PDE4D: variants seen among roughly 807,000 people sequenced by gnomAD.
PDE4D encodes 3',5'-cyclic-AMP phosphodiesterase 4D.
In PDE4D, 24 loss-of-function variants were observed where a neutral mutation model predicts 87.4. That is an observed-to-expected ratio of 0.27 (90% confidence interval 0.20 to 0.39). The LOEUF is 0.39. PDE4D is among the 10% of genes least tolerant of loss of function. The pLI is 1.00. For missense variants in PDE4D, 714 were observed against 1,041.0 expected (o/e 0.69, Z 4.32); for synonymous variants, 384 against 383.2 (o/e 1.00, Z -0.02).
At chr5:59,778,009 T>C (rs1233425014) in intron 1 of PDE4D, among the ~76,000 whole-genome samples, 2 of 152,198 alleles carry the variant, frequency 1.3e-5, no homozygotes, top group African/African-American at 4.8e-5. Flanking sequence ...AATTGAAAGG[T>C]AAACTTTAAG....
At chr5:59,091,232 T>C (rs1198817259) in intron 5 of PDE4D, 2 of 414,558 alleles carry the variant, frequency 4.8e-6, no homozygotes, top group Non-Finnish European at 9.6e-6. Context: ...GCTTTCTGCT[T>C]ATCTGCTGAA....
intron 1 of PDE4D, among the ~76,000 whole-genome samples, chr5:60,368,535 C>T (rs538963987): frequency 2.6e-5 from 4 of 152,270 alleles, no homozygotes; most frequent in African/African-American, 7.2e-5. Flanking sequence ...CTTTCCTTTG[C>T]TCTAGCATTC....
chr5:59,271,302 T>C (rs1479771846), intron 1 of PDE4D, among the ~76,000 whole-genome samples: 2 of 152,054 alleles, frequency 1.3e-5, no homozygotes, highest in South Asian at 2.1e-4. Flanking sequence ...GCCTCCTAAA[T>C]TGCAGGTATT....
intron 1 of PDE4D, among the ~76,000 whole-genome samples, chr5:60,334,898 C>T (rs1757611073): frequency 6.6e-6 from 1 of 152,102 alleles, no homozygotes; most frequent in Admixed American, 6.6e-5. Flanking sequence ...TTTGTGCATT[C>T]CATATAATTT....
intron 1 of PDE4D, among the ~76,000 whole-genome samples, chr5:59,271,913 AT>A (rs902990041): frequency 4.0e-4 from 59 of 146,312 alleles, no homozygotes; most frequent in Admixed American, 6.9e-4. Context: ...CACTCCTACC[AT>A]TTTTTTTTTT....
At chr5:59,430,354 T>G in intron 1 of PDE4D, 2 of 1,231,328 alleles carry the variant, frequency 1.6e-6, no homozygotes, top group Non-Finnish European at 2.0e-6. Context: ...TCCATGAACA[T>G]AAGCGCTTCG....
chr5:59,156,135 G>A (rs1440845260), intron 5 of PDE4D, among the ~76,000 whole-genome samples: 2 of 151,824 alleles, frequency 1.3e-5, no homozygotes, highest in Admixed American at 1.3e-4. Flanking sequence ...AGGAATTCAG[G>A]TAAGGAAGTG....
chr5:59,662,440 T>G (rs535745059), intron 1 of PDE4D, among the ~76,000 whole-genome samples: 4 of 152,354 alleles, frequency 2.6e-5, no homozygotes, highest in Non-Finnish European at 5.9e-5. Flanking sequence ...ACCCTGAATA[T>G]CTGTTGTTTG....
At chr5:60,115,069 G>T (rs369463628) in intron 2 of PDE4D, among the ~76,000 whole-genome samples, 18 of 148,830 alleles carry the variant, frequency 1.2e-4, no homozygotes, top group African/African-American at 4.5e-4. Context: ...TGAAGTGGCA[G>T]ATCATATTTT....
intron 1 of PDE4D, among the ~76,000 whole-genome samples, chr5:60,515,626 G>C (rs1433889623): frequency 2.5e-5 from 3 of 118,536 alleles, no homozygotes; most frequent in African/African-American, 1.4e-4. Context: ...TTTTCTGTCA[G>C]GATGAGAAGA....
intron 5 of PDE4D, among the ~76,000 whole-genome samples, chr5:59,076,427 G>A (rs771553256): frequency 2.6e-5 from 4 of 152,104 alleles, no homozygotes; most frequent in Non-Finnish European, 2.9e-5. Flanking sequence ...ATTATACTAC[G>A]TGAAGTCTTC....
At chr5:59,630,311 G>A (rs191080500) in intron 1 of PDE4D, among the ~76,000 whole-genome samples, 4 of 151,964 alleles carry the variant, frequency 2.6e-5, no homozygotes, top group East Asian at 1.9e-4. Context: ...TGTATTTTAC[G>A]TGTCCAGCCT....
intron 1 of PDE4D, among the ~76,000 whole-genome samples, chr5:59,646,562 A>G: frequency 6.6e-6 from 1 of 152,174 alleles, no homozygotes. Context: ...AAGTGTTGGT[A>G]GTATATGCAT....
intron 1 of PDE4D, among the ~76,000 whole-genome samples, chr5:59,418,144 T>C (rs1793920698): frequency 1.3e-5 from 2 of 152,192 alleles, no homozygotes; most frequent in African/African-American, 4.8e-5. Context: ...TGTGTCTTCA[T>C]TGCTGCCACT....
chr5:59,307,412 A>G (rs1561925099), intron 1 of PDE4D, among the ~76,000 whole-genome samples: 1 of 151,726 alleles, frequency 6.6e-6, no homozygotes, highest in African/African-American at 2.4e-5. Context: ...CTACCATCAG[A>G]GTGAACAGGC....
Position 59,019,153 on chromosome 5 carries a change from T to G in PDE4D, c.921+19706A>C, listed in dbSNP as rs143277854. On this transcript the variant is annotated intron_variant, in intron 6 of 14. Coordinates refer to ENST00000340635, the MANE Select transcript of PDE4D (RefSeq NM_001104631.2). ...TCAGGTTTAGAATTTCATGCTTTCT[T>G]CTGGCTGTGGTCCTGCCAAGTCTTA... 4.8e-3 allele frequency among the ~76,000 whole-genome samples: 729 copies of G among 152,258 alleles called. 5 individuals are homozygous for G. Among genetic ancestry groups the G allele is most frequent in the African/African-American group, 0.016 (667 of 41,548 alleles).
chr5:58,988,020 T>C (rs1746905898), intron 11 of PDE4D, among the ~76,000 whole-genome samples: 1 of 152,086 alleles, frequency 6.6e-6, no homozygotes. Flanking sequence ...TGAAAAAATA[T>C]TAAGAAGTTC....
At chr5:60,346,207 C>G (rs577129742) in intron 1 of PDE4D, among the ~76,000 whole-genome samples, 2 of 152,124 alleles carry the variant, frequency 1.3e-5, no homozygotes, top group Admixed American at 1.3e-4. Context: ...ATAAGTTTTT[C>G]GTTTATCTTA....
At position 59,748,769 on chromosome 5, in the gene PDE4D, G is replaced by A. The variant is rs151170502; in HGVS notation, c.455+144399C>T. Among the ~76,000 whole-genome samples, 35 of 152,194 alleles carry A rather than the reference G, an allele frequency of 2.3e-4. 1 individual carries two copies. The South Asian group carries it at 6.6e-3, about 29-fold the overall frequency. ...GTATACATATGTAACAAACCTGCACGCTGTGCACATGTTCCCTAGAACTTA... is the reference window on the plus strand; with the variant it reads ...GTATACATATGTAACAAACCTGCACACTGTGCACATGTTCCCTAGAACTTA... On this transcript the variant is annotated intron_variant, in intron 1 of 14. Coordinates refer to ENST00000340635, the MANE Select transcript of PDE4D (RefSeq NM_001104631.2).
Sources: allele counts gnomAD v4.1 joint callset (sites outside exome capture counted in the v4.1 genomes callset), GRCh38; gene constraint gnomAD v4.1.1; transcripts MANE v1.5; gene names NCBI Gene and HGNC (gene_info 2026-07-23, HGNC 2026-07-21).